The following ACBD6 variants were observed in gnomAD, a reference collection of about 807,000 sequenced individuals.
ACBD6 encodes the protein acyl-CoA-binding domain-containing protein 6.
ACBD6 carries 28 observed loss-of-function variants against 37.2 expected under a neutral mutation model. The observed-to-expected ratio is 0.75, with a 90% confidence interval of 0.56 to 1.03. The LOEUF (loss-of-function observed/expected upper bound fraction) is 1.03, where lower values mean the gene tolerates loss of function less well. ACBD6 is among the 50% of genes least tolerant of loss of function. The probability of loss-of-function intolerance (pLI) is 0.00; values close to 1 mark genes in which losing one functional copy is unlikely to be tolerated. For synonymous variants in ACBD6, 113 were observed against 126.8 expected (o/e 0.89, Z 0.73); for missense variants, 340 against 337.4 (o/e 1.01, Z -0.06).
At chr1:180,474,926 C>T (rs754922018) in intron 3 of ACBD6, among the ~76,000 whole-genome samples, 10 of 152,166 alleles carry the variant, frequency 6.6e-5, no homozygotes, top group Non-Finnish European at 1.2e-4. Context: ...ATGTCCCTTT[C>T]AGGGATTCTT....
chr1:180,449,372 A>G (rs1382265813), intron 3 of ACBD6, among the ~76,000 whole-genome samples: 2 of 152,040 alleles, frequency 1.3e-5, no homozygotes, highest in African/African-American at 4.8e-5. Flanking sequence ...CCATATGGAT[A>G]CAAAACGGAG....
At chr1:180,282,846 T>C (rs1649351859) in intron 8 of ACBD6, among the ~76,000 whole-genome samples, 1 of 152,166 alleles carries the variant, frequency 6.6e-6, no homozygotes, top group Admixed American at 6.5e-5. Flanking sequence ...TCGTTCAGAA[T>C]GCGCATTAAC....
At chr1:180,404,265 A>G (rs1213269121) in intron 5 of ACBD6, among the ~76,000 whole-genome samples, 4 of 151,954 alleles carry the variant, frequency 2.6e-5, no homozygotes, top group Admixed American at 1.3e-4. Context: ...CAGAGTTTCA[A>G]TTGGGGAAGA....
At chr1:180,419,570 G>A (rs1648265968) in intron 4 of ACBD6, among the ~76,000 whole-genome samples, 1 of 152,152 alleles carries the variant, frequency 6.6e-6, no homozygotes, top group Non-Finnish European at 1.5e-5. Flanking sequence ...CCGACCCCCT[G>A]CATAGTCAAA....
chr1:180,406,529 TC>T (rs1233422323), intron 5 of ACBD6, among the ~76,000 whole-genome samples: 1 of 152,180 alleles, frequency 6.6e-6, no homozygotes, highest in Admixed American at 6.5e-5. Context: ...AAAAGGCATT[TC>T]ATATATATTT....
At chr1:180,416,362 G>C (rs963484767) in intron 4 of ACBD6, among the ~76,000 whole-genome samples, 7 of 151,996 alleles carry the variant, frequency 4.6e-5, no homozygotes, top group African/African-American at 1.7e-4. Context: ...CTATATCCAT[G>C]CTTATTTGAA....
intron 7 of ACBD6, among the ~76,000 whole-genome samples, chr1:180,304,461 T>C (rs974060218): frequency 6.7e-6 from 1 of 150,214 alleles, no homozygotes; most frequent in African/African-American, 2.4e-5. Flanking sequence ...TATACAACAA[T>C]AACAGACAGA....
At chr1:180,348,390 C>G (rs1018360200) in intron 6 of ACBD6, among the ~76,000 whole-genome samples, 3 of 152,234 alleles carry the variant, frequency 2.0e-5, no homozygotes, top group African/African-American at 7.2e-5. Context: ...CGGAAATGAT[C>G]AGTCCTGGGG....
At chr1:180,454,255 A>G (rs1649825919) in intron 3 of ACBD6, among the ~76,000 whole-genome samples, 1 of 152,210 alleles carries the variant, frequency 6.6e-6, no homozygotes, top group Non-Finnish European at 1.5e-5. Context: ...GACAAACCTG[A>G]CAAAAACAAG....
intron 4 of ACBD6, among the ~76,000 whole-genome samples, chr1:180,413,694 G>A (rs1449090528): frequency 6.6e-6 from 1 of 151,972 alleles, no homozygotes; most frequent in Non-Finnish European, 1.5e-5. Context: ...AGAATAAAGT[G>A]TTACTCAAGT....
chr1:180,474,807 C>A (rs1196988085), intron 3 of ACBD6, among the ~76,000 whole-genome samples: 1 of 152,130 alleles, frequency 6.6e-6, no homozygotes, highest in East Asian at 1.9e-4. Context: ...AAAAAAATAT[C>A]CTCCTTCACT....
At chr1:180,324,348 T>C (rs1357853425) in intron 6 of ACBD6, among the ~76,000 whole-genome samples, 1 of 152,110 alleles carries the variant, frequency 6.6e-6, no homozygotes, top group Non-Finnish European at 1.5e-5. Context: ...TGTTGGTATA[T>C]TTTAATGTAT....
chr1:180,430,678 T>G (rs1226568728), intron 3 of ACBD6, among the ~76,000 whole-genome samples: 1 of 148,268 alleles, frequency 6.7e-6, no homozygotes, highest in African/African-American at 2.5e-5. Context: ...AAGTTCAAAT[T>G]TAATTATAAA....
intron 3 of ACBD6, among the ~76,000 whole-genome samples, chr1:180,485,283 A>T (rs1170715546): frequency 1.3e-5 from 2 of 152,190 alleles, no homozygotes; most frequent in African/African-American, 4.8e-5. Context: ...GGCAAACATC[A>T]GATAAATCTG....
chr1:180,484,930 G>A (rs1029324418), intron 3 of ACBD6, among the ~76,000 whole-genome samples: 3 of 152,024 alleles, frequency 2.0e-5, no homozygotes, highest in Non-Finnish European at 4.4e-5. Flanking sequence ...TGGGCGTGGT[G>A]GTGGGCGCCT....
intron 4 of ACBD6, among the ~76,000 whole-genome samples, chr1:180,421,038 A>G (rs1047243527): frequency 3.3e-5 from 5 of 152,014 alleles, no homozygotes; most frequent in African/African-American, 1.2e-4. Context: ...AGTTCGGGGT[A>G]CATGTACAGG....
intron 6 of ACBD6, among the ~76,000 whole-genome samples, chr1:180,348,384 A>G (rs746146872): frequency 2.2e-4 from 34 of 152,194 alleles, no homozygotes; most frequent in South Asian, 6.2e-4. Context: ...AATGAACGGA[A>G]ATGATCAGTC....
chr1:180,342,711 C>T (rs1267780050), intron 6 of ACBD6, among the ~76,000 whole-genome samples: 3 of 152,016 alleles, frequency 2.0e-5, no homozygotes, highest in Non-Finnish European at 4.4e-5. Context: ...GATATTAAAG[C>T]ATGAGTATAA....
chr1:180,483,701 C>T (rs1424652198), intron 3 of ACBD6, among the ~76,000 whole-genome samples: 2 of 152,218 alleles, frequency 1.3e-5, no homozygotes, highest in East Asian at 1.9e-4. Flanking sequence ...AAAATACATA[C>T]TATTAATCTT....
Sources: allele counts gnomAD v4.1 joint callset (sites outside exome capture counted in the v4.1 genomes callset), GRCh38; gene constraint gnomAD v4.1.1; transcripts MANE v1.5; gene names NCBI Gene and HGNC (gene_info 2026-07-23, HGNC 2026-07-21).